KIF16B: variants seen among roughly 807,000 people sequenced by gnomAD.
The protein encoded by KIF16B is kinesin family member 16B.
In KIF16B, 98 loss-of-function variants were observed where a neutral mutation model predicts 156.3. The observed-to-expected ratio is 0.63, with a 90% CI of 0.53 to 0.74. The LOEUF (loss-of-function observed/expected upper bound fraction) is 0.74, where lower values mean the gene tolerates loss of function less well. Among genes scored for constraint, KIF16B ranks in the 30% least tolerant of loss-of-function variants. The pLI, the probability that KIF16B is intolerant of heterozygous loss-of-function variation, is 0.00. For synonymous variants in KIF16B, 564 were observed against 583.7 expected, an observed-to-expected ratio of 0.97 and a Z score of 0.49; for missense variants, 1,421 against 1,606.5, an observed-to-expected ratio of 0.88 and a Z score of 1.97.
rs777482045 is a variant in KIF16B at position 16,374,263 on chromosome 20, T to C, written c.3344A>G (p.Asp1115Gly). 6.4e-7 allele frequency: 1 copy of C among 1,572,728 alleles called. No individual in the cohort carries two copies. Among genetic ancestry groups the C allele is most frequent in the East Asian group, 2.3e-5 (1 of 43,978 alleles). ...TCACTTTCATGTCCAGTACCTGGCATCCATGAGGGGAACCAGGTGTGATTT... is the reference window on the plus strand; with the variant it reads ...TCACTTTCATGTCCAGTACCTGGCACCCATGAGGGGAACCAGGTGTGATTT... ...AEKSHLVPLM[D>G]ARINAYIEEE... The change falls in exon 20 of 26, where the codon GAT (aspartate) becomes GGT (glycine). Residue 1115 changes from aspartate to glycine, a missense_variant. By Grantham distance (94) the Asp-to-Gly change is moderately conservative. Transcript: ENST00000354981.
chr20:16,522,958 G>A (rs1200745733), intron 3 of KIF16B, among the ~76,000 whole-genome samples: 1 of 152,128 alleles, frequency 6.6e-6, no homozygotes, highest in Non-Finnish European at 1.5e-5. Context: ...AACAGACGCA[G>A]AAAAGGCCTT....
At chr20:16,477,267 T>A (rs902326023) in intron 12 of KIF16B, among the ~76,000 whole-genome samples, 2 of 149,450 alleles carry the variant, frequency 1.3e-5, no homozygotes, top group African/African-American at 5.0e-5. Flanking sequence ...CTTCCTGGGC[T>A]CCTTGTTCTA....
At chr20:16,333,083 A>C (rs2063976308) in intron 24 of KIF16B, among the ~76,000 whole-genome samples, 1 of 152,134 alleles carries the variant, frequency 6.6e-6, no homozygotes, top group Non-Finnish European at 1.5e-5. Context: ...CACATGATAG[A>C]GTCCCTTCCT....
intron 1 of KIF16B, among the ~76,000 whole-genome samples, chr20:16,558,375 G>A (rs941916042): frequency 3.9e-5 from 6 of 152,148 alleles, no homozygotes; most frequent in Admixed American, 3.9e-4. Context: ...ACCAATGAAG[G>A]GTGAGCATTA....
chr20:16,359,977 T>C (rs2064521472), intron 22 of KIF16B, among the ~76,000 whole-genome samples: 1 of 152,230 alleles, frequency 6.6e-6, no homozygotes, highest in African/African-American at 2.4e-5. Context: ...GGCTACAGTT[T>C]ACTTCAATCT....
intron 24 of KIF16B, among the ~76,000 whole-genome samples, chr20:16,327,028 T>C (rs2063864219): frequency 7.2e-6 from 1 of 139,308 alleles, no homozygotes; most frequent in African/African-American, 2.7e-5. Context: ...TGTGTATATA[T>C]ATACACACAC....
intron 12 of KIF16B, among the ~76,000 whole-genome samples, chr20:16,493,104 T>C (rs545653509): frequency 2.0e-5 from 3 of 152,278 alleles, no homozygotes; most frequent in East Asian, 1.9e-4. Context: ...TAATATGACA[T>C]TATCATTGTA....
intron 23 of KIF16B, among the ~76,000 whole-genome samples, chr20:16,345,671 C>A (rs1321167950): frequency 6.6e-6 from 1 of 152,152 alleles, no homozygotes; most frequent in Non-Finnish European, 1.5e-5. Flanking sequence ...TAAGAAACAA[C>A]AGATAGTCTC....
At chr20:16,435,774 T>G (rs6043945) in intron 12 of KIF16B, among the ~76,000 whole-genome samples, 36,430 of 152,090 alleles carry the variant, frequency 0.24, 4,523 homozygotes, top group South Asian at 0.32. Flanking sequence ...CTCTTAGTAA[T>G]TTGATTTTCA....
Position 16,369,204 on chromosome 20 carries a change from A to AGT in KIF16B, c.3498+1380_3498+1381dup, listed in dbSNP as rs762804371. ...TCCTCTCCTCTTTAATGAGGCTGGA[A>AGT]GTGTCAGTGGCATCTCTGGGCAGAA... On this transcript the variant is annotated intron_variant, in intron 22 of 25. Transcript: ENST00000354981. 953 of 985,662 alleles carry AGT rather than the reference A, an allele frequency of 9.7e-4. 1 individual carries two copies. The highest frequency in any genetic ancestry group is 1.1e-3 in the Non-Finnish European group (916 of 829,932). The allele number at this position is 985,662 out of a possible 1,614,324, so 61.1% of individuals were successfully genotyped here. A position where few individuals can be genotyped will look rare whatever the true frequency, so the allele number is the denominator to read the frequency against.
intron 15 of KIF16B, among the ~76,000 whole-genome samples, chr20:16,426,166 C>A (rs967862211): frequency 6.6e-6 from 1 of 152,162 alleles, no homozygotes; most frequent in Non-Finnish European, 1.5e-5. Context: ...AGAGCCAAAA[C>A]ATATCAACAG....
intron 25 of KIF16B, among the ~76,000 whole-genome samples, chr20:16,296,005 G>A (rs1008790310): frequency 6.6e-6 from 1 of 152,128 alleles, no homozygotes; most frequent in East Asian, 1.9e-4. Flanking sequence ...TCTATCTGAC[G>A]CTTCTCCCAG....
At chr20:16,507,033 G>A (rs6044038) in intron 7 of KIF16B, among the ~76,000 whole-genome samples, 35,700 of 150,660 alleles carry the variant, frequency 0.24, 4,859 homozygotes, top group East Asian at 0.36. Flanking sequence ...CCCAGAGGTT[G>A]AGACTGCAGT....
intron 12 of KIF16B, among the ~76,000 whole-genome samples, chr20:16,491,772 G>C (rs954464474): frequency 1.3e-5 from 2 of 152,192 alleles, no homozygotes; most frequent in African/African-American, 4.8e-5. Flanking sequence ...CCTGCTGTCA[G>C]AGCTCACACC....
At chr20:16,558,897 C>CAAAAAA (rs11478258) in intron 1 of KIF16B, among the ~76,000 whole-genome samples, 13 of 62,068 alleles carry the variant, frequency 2.1e-4, no homozygotes, top group Non-Finnish European at 2.9e-4. Context: ...GAGCAAGACT[C>CAAAAAA]AAAAAAAAAA....
intron 25 of KIF16B, among the ~76,000 whole-genome samples, chr20:16,301,763 C>A (rs1036299783): frequency 6.6e-6 from 1 of 152,124 alleles, no homozygotes; most frequent in African/African-American, 2.4e-5. Flanking sequence ...AACTCTCCTG[C>A]CTCAGCCTCC....
intron 23 of KIF16B, among the ~76,000 whole-genome samples, chr20:16,341,922 AC>A (rs1178906576): frequency 6.6e-6 from 1 of 152,198 alleles, no homozygotes; most frequent in African/African-American, 2.4e-5. Context: ...TAAAAATCTC[AC>A]ACCCCAGACA....
At chr20:16,282,183 C>T (rs1315269608) in intron 25 of KIF16B, among the ~76,000 whole-genome samples, 1 of 151,954 alleles carries the variant, frequency 6.6e-6, no homozygotes, top group African/African-American at 2.4e-5. Flanking sequence ...AGGCATGTGC[C>T]ACCATGCCTG....
chr20:16,554,024 C>T (rs544730659), intron 1 of KIF16B, among the ~76,000 whole-genome samples: 22 of 152,288 alleles, frequency 1.4e-4, no homozygotes, highest in Admixed American at 4.6e-4. Context: ...AGCTCAGCGC[C>T]GGCCTGCAGG....
Sources: allele counts gnomAD v4.1 joint callset (sites outside exome capture counted in the v4.1 genomes callset), GRCh38; gene constraint gnomAD v4.1.1; transcripts MANE v1.5; gene names NCBI Gene and HGNC (gene_info 2026-07-23, HGNC 2026-07-21).